The following ARB2A variants were observed in gnomAD, a reference collection of about 807,000 sequenced individuals.
The protein encoded by ARB2A is cotranscriptional regulator ARB2A.
the ARB2A span, among the ~76,000 whole-genome samples, chr5:93,852,489 T>A: frequency 1.3e-5 from 2 of 152,226 alleles, no homozygotes; most frequent in Non-Finnish European, 2.9e-5. Context: ...TTGGCTTTTG[T>A]TGCCATTGCT....
chr5:93,625,118 GC>G, the ARB2A span, among the ~76,000 whole-genome samples: 8 of 152,144 alleles, frequency 5.3e-5, no homozygotes, highest in Admixed American at 2.6e-4. Flanking sequence ...ATGATTCCAT[GC>G]ATAGGACCAA....
At chr5:93,709,318 A>G in the ARB2A span, among the ~76,000 whole-genome samples, 2 of 152,088 alleles carry the variant, frequency 1.3e-5, no homozygotes, top group Admixed American at 6.5e-5. Context: ...AAATCTTCAT[A>G]GTATGATATT....
the ARB2A span, among the ~76,000 whole-genome samples, chr5:93,746,730 T>G: frequency 6.6e-6 from 1 of 152,128 alleles, no homozygotes; most frequent in Admixed American, 6.5e-5. Context: ...GAACTTCCTA[T>G]GCTATAAAAT....
chr5:94,021,421 C>T, the ARB2A span, among the ~76,000 whole-genome samples: 1 of 152,144 alleles, frequency 6.6e-6, no homozygotes, highest in African/African-American at 2.4e-5. Context: ...TGATGGACAG[C>T]ATCCTGTTTG....
At chr5:93,890,871 A>G in the ARB2A span, among the ~76,000 whole-genome samples, 1 of 152,060 alleles carries the variant, frequency 6.6e-6, no homozygotes, top group Admixed American at 6.6e-5. Context: ...ACTCTCGTAA[A>G]TGCTTGTTAA....
chr5:93,633,052 C>G, the ARB2A span, among the ~76,000 whole-genome samples: 16 of 152,280 alleles, frequency 1.1e-4, no homozygotes, highest in African/African-American at 3.1e-4. Flanking sequence ...GCAGGCTCTT[C>G]TACTGAGTTC....
chr5:93,893,979 CT>C, the ARB2A span, among the ~76,000 whole-genome samples: 1 of 152,120 alleles, frequency 6.6e-6, no homozygotes, highest in African/African-American at 2.4e-5. Context: ...AGCAGCTAAA[CT>C]TTTTTCAAAA....
At chr5:93,893,407 A>G in the ARB2A span, among the ~76,000 whole-genome samples, 1 of 152,160 alleles carries the variant, frequency 6.6e-6, no homozygotes, top group African/African-American at 2.4e-5. Flanking sequence ...ACACTGGCAG[A>G]CTGTGGTGGG....
the ARB2A span, among the ~76,000 whole-genome samples, chr5:93,643,847 A>G: frequency 6.6e-6 from 1 of 152,202 alleles, no homozygotes; most frequent in South Asian, 2.1e-4. Context: ...TTTAATATGT[A>G]TTTCTAATAA....
the ARB2A span, among the ~76,000 whole-genome samples, chr5:93,755,575 G>A: frequency 2.0e-5 from 3 of 152,194 alleles, no homozygotes; most frequent in Admixed American, 1.3e-4. Context: ...CTGCGGAAGC[G>A]GGAAAGGGAG....
chr5:93,834,526 G>A, the ARB2A span, among the ~76,000 whole-genome samples: 1 of 152,018 alleles, frequency 6.6e-6, no homozygotes, highest in Non-Finnish European at 1.5e-5. Flanking sequence ...CAAAATTAAG[G>A]CTTTTTACTA....
chr5:93,876,328 T>G, the ARB2A span, among the ~76,000 whole-genome samples: 1 of 152,144 alleles, frequency 6.6e-6, no homozygotes, highest in Non-Finnish European at 1.5e-5. Flanking sequence ...ATTAAGCAGG[T>G]TTTCCTGCCA....
At chr5:94,036,860 C>T in the ARB2A span, among the ~76,000 whole-genome samples, 142,374 of 152,236 alleles carry the variant, frequency 0.94, 66,675 homozygotes, top group East Asian at 1. Flanking sequence ...GGTTTTGTTA[C>T]TAGGTTGGCA....
chr5:93,721,655 T>C, the ARB2A span, among the ~76,000 whole-genome samples: 2 of 152,126 alleles, frequency 1.3e-5, no homozygotes, highest in East Asian at 1.9e-4. Context: ...GAGGAACTTA[T>C]TAGCTGAGGA....
chr5:93,812,418 C>T, the ARB2A span, among the ~76,000 whole-genome samples: 7 of 152,032 alleles, frequency 4.6e-5, no homozygotes, highest in South Asian at 2.1e-4. Flanking sequence ...TCTTTGTTGT[C>T]GGCAGACAGG....
chr5:94,105,176 T>C, the ARB2A span, among the ~76,000 whole-genome samples: 1 of 151,800 alleles, frequency 6.6e-6, no homozygotes, highest in Non-Finnish European at 1.5e-5. Flanking sequence ...ATGAAAGGCA[T>C]CCAAATTAAA....
the ARB2A span, among the ~76,000 whole-genome samples, chr5:93,918,905 G>A: frequency 3.3e-5 from 5 of 151,962 alleles, no homozygotes; most frequent in African/African-American, 9.7e-5. Context: ...TTATTCCCTC[G>A]TCAGCTCCCT....
the ARB2A span, among the ~76,000 whole-genome samples, chr5:93,747,028 A>G: frequency 1.3e-5 from 2 of 152,186 alleles, no homozygotes; most frequent in Admixed American, 1.3e-4. Flanking sequence ...TGCAGTCACT[A>G]TGTTCTACAT....
chr5:94,056,160 A>G, the ARB2A span, among the ~76,000 whole-genome samples: 1 of 152,232 alleles, frequency 6.6e-6, no homozygotes, highest in African/African-American at 2.4e-5. Context: ...TACTGATTCT[A>G]TATGCTATAT....
Sources: gnomAD v4.1 joint callset for allele counts (sites outside exome capture counted in the v4.1 genomes callset) on GRCh38, gnomAD v4.1.1 for gene constraint, MANE v1.5 for transcripts, NCBI Gene and HGNC (gene_info 2026-07-23, HGNC 2026-07-21) for gene names.